CLEC16A: variants seen among roughly 807,000 people sequenced by gnomAD.
CLEC16A encodes the protein protein CLEC16A.
In CLEC16A, 51 loss-of-function variants were observed where a neutral mutation model predicts 109.5. That is an observed-to-expected ratio of 0.47 (90% CI 0.37 to 0.59). The LOEUF is 0.59. CLEC16A is among the 20% of genes least tolerant of loss of function. The pLI is 0.00. For synonymous variants in CLEC16A, 673 were observed against 564.2 expected (o/e 1.19, Z -2.73); for missense variants, 1,339 against 1,394.0 (o/e 0.96, Z 0.63).
chr16:11,168,586 GC>G (rs2068372138), intron 23 of CLEC16A, among the ~76,000 whole-genome samples: 1 of 152,220 alleles, frequency 6.6e-6, no homozygotes, highest in Non-Finnish European at 1.5e-5. Context: ...TCTTACAGAT[GC>G]CTCAGGATGC....
chr16:10,955,592 A>C (rs2041948339), intron 1 of CLEC16A, among the ~76,000 whole-genome samples: 1 of 152,188 alleles, frequency 6.6e-6, no homozygotes, highest in South Asian at 2.1e-4. Flanking sequence ...TCTAAGCAGA[A>C]AGCCCCATCA....
Position 10,977,422 on chromosome 16 carries a change from C to A in CLEC16A, c.903+23C>A, listed in dbSNP as rs369306187. 1.9e-5 allele frequency: 31 copies of A among 1,604,098 alleles called. No individual in the cohort carries two copies. In the East Asian group the frequency reaches 5.4e-4, roughly 28 times the overall value. On this transcript the variant is annotated intron_variant, in intron 8 of 23. Transcript: ENST00000409790. The stretch of plus-strand genomic sequence containing the variant: ...AAGGTGGGTCCAGCCCCGTGGCTCC[C>A]GCTGGCTGAAGGCCATCAGAAGTGG...
At chr16:10,987,257 C>T (rs2043726662) in intron 10 of CLEC16A, among the ~76,000 whole-genome samples, 2 of 152,094 alleles carry the variant, frequency 1.3e-5, no homozygotes, top group South Asian at 4.1e-4. Context: ...CAGTTTCCCC[C>T]AGTGGTAACA....
intron 12 of CLEC16A, chr16:11,024,535 A>T: frequency 3.1e-6 from 1 of 320,746 alleles, no homozygotes; most frequent in Non-Finnish European, 6.0e-6. Context: ...TGGTGTGGGG[A>T]GTTTGTATAA....
rs79936856 is a variant in CLEC16A, at chr16:11,114,768, G to A, written c.2117-5847G>A. ...GAGTTCCCTAAAATGATACTGGCGG[G>A]ACCCACAAAGGAGTCACCCAAAACC... On this transcript the variant is annotated intron_variant, in intron 19 of 23. Transcript: ENST00000409790. Among the ~76,000 whole-genome samples, 1,140 of 152,178 alleles carry A rather than the reference G, an allele frequency of 7.5e-3. 9 individuals are homozygous for A. Among genetic ancestry groups the A allele is most frequent in the Non-Finnish European group, 0.012 (846 of 68,004 alleles).
At chr16:11,055,575 C>CTTT (rs71136609) in intron 18 of CLEC16A, among the ~76,000 whole-genome samples, 655 of 41,756 alleles carry the variant, frequency 0.016, 216 homozygotes, top group African/African-American at 0.02. Flanking sequence ...TTCCCTCTTG[C>CTTT]TTTTTTTTTT....
At chr16:11,142,303 G>C (rs995904391) in intron 22 of CLEC16A, among the ~76,000 whole-genome samples, 1 of 152,218 alleles carries the variant, frequency 6.6e-6, no homozygotes, top group African/African-American at 2.4e-5. Context: ...TGCCCTGGGG[G>C]AGCTGTAGTT....
chr16:11,003,059 G>C lies in CLEC16A; in HGVS notation c.1072-15G>C. On this transcript the variant is annotated splice_polypyrimidine_tract_variant and intron_variant, in intron 10 of 23. Transcript: ENST00000409790. The stretch of plus-strand genomic sequence containing the variant: ...GTGTTCAAATTCACCTGTTGCCTTC[G>C]TTGGACTTTCCTAGGCCAAGCCCAG... 6 of 1,593,048 alleles carry C rather than the reference G, an allele frequency of 3.8e-6. No homozygotes were observed. The highest frequency in any genetic ancestry group is 5.1e-6 in the Non-Finnish European group (6 of 1,170,304).
chr16:10,945,178 C>G (rs1015273918), intron 1 of CLEC16A, among the ~76,000 whole-genome samples: 1 of 152,204 alleles, frequency 6.6e-6, no homozygotes, highest in African/African-American at 2.4e-5. Context: ...TCGGGCAGAT[C>G]TGGGTCCGAA....
intron 10 of CLEC16A, among the ~76,000 whole-genome samples, chr16:10,996,822 G>A (rs1404876973): frequency 1.3e-5 from 2 of 152,140 alleles, no homozygotes; most frequent in African/African-American, 4.8e-5. Context: ...GTGGCTTCCT[G>A]CGCTTACCTG....
intron 13 of CLEC16A, among the ~76,000 whole-genome samples, chr16:11,025,544 C>T (rs912074798): frequency 6.6e-6 from 1 of 152,156 alleles, no homozygotes; most frequent in Non-Finnish European, 1.5e-5. Flanking sequence ...GACATGGGCA[C>T]GTTCTGAAAC....
At chr16:10,978,682 A>G (rs2043152823) in intron 8 of CLEC16A, among the ~76,000 whole-genome samples, 2 of 152,206 alleles carry the variant, frequency 1.3e-5, no homozygotes, top group Non-Finnish European at 2.9e-5. Context: ...TGAGAAGACT[A>G]TAAAGGTGAA....
chr16:11,124,286 C>T (rs1210673246), intron 21 of CLEC16A, among the ~76,000 whole-genome samples: 1 of 152,202 alleles, frequency 6.6e-6, no homozygotes, highest in East Asian at 1.9e-4. Flanking sequence ...ACCTCCGATC[C>T]TTAAAACAAC....
chr16:11,044,253 A>C (rs2047510712), intron 16 of CLEC16A, 181 bp downstream of exon 16: 1 of 448,062 alleles, frequency 2.2e-6, no homozygotes, highest in Non-Finnish European at 3.7e-6. Context: ...TTTTCTGTCC[A>C]AGCTGTCTTA....
intron 18 of CLEC16A, among the ~76,000 whole-genome samples, chr16:11,059,865 T>G (rs945519513): frequency 6.6e-6 from 1 of 152,182 alleles, no homozygotes; most frequent in Admixed American, 6.5e-5. Context: ...CCCAGCCTAG[T>G]GGAACTGGGA....
chr16:11,055,844 C>A (rs1039480122), intron 18 of CLEC16A, among the ~76,000 whole-genome samples: 1 of 152,050 alleles, frequency 6.6e-6, no homozygotes, highest in South Asian at 2.1e-4. Context: ...CTGCCTCGGC[C>A]TCCCATGGTG....
At chr16:10,955,555 G>A (rs972363431) in intron 1 of CLEC16A, among the ~76,000 whole-genome samples, 2 of 152,196 alleles carry the variant, frequency 1.3e-5, no homozygotes, top group African/African-American at 4.8e-5. Flanking sequence ...GTAAAAGTTT[G>A]CTGGATGACA....
intron 19 of CLEC16A, among the ~76,000 whole-genome samples, chr16:11,113,358 C>G (rs554780321): frequency 7.0e-4 from 107 of 152,300 alleles, no homozygotes; most frequent in African/African-American, 2.4e-3. Flanking sequence ...TACCTATTTT[C>G]CCTTTAGAAA....
intron 10 of CLEC16A, among the ~76,000 whole-genome samples, chr16:10,987,842 G>A (rs903204949): frequency 1.3e-5 from 2 of 152,014 alleles, no homozygotes; most frequent in East Asian, 1.9e-4. Flanking sequence ...TCTCCTTCCC[G>A]TAATTTGTAG....
Sources: allele counts gnomAD v4.1 joint callset (sites outside exome capture counted in the v4.1 genomes callset), GRCh38; gene constraint gnomAD v4.1.1; transcripts MANE v1.5; gene names NCBI Gene and HGNC (gene_info 2026-07-23, HGNC 2026-07-21).